FAM171B: variants seen among roughly 807,000 people sequenced by gnomAD.
FAM171B encodes the protein family with sequence similarity 171 member B, also known as protein FAM171B.
In FAM171B, 19 loss-of-function variants were observed where a neutral mutation model predicts 75.6. The observed-to-expected ratio is 0.25, with a 90% CI of 0.18 to 0.37. The LOEUF (loss-of-function observed/expected upper bound fraction) is 0.37, where lower values mean the gene tolerates loss of function less well. Ranked by LOEUF, FAM171B falls within the 10% of genes least tolerant of loss-of-function variation. The pLI is 1.00. For missense variants in FAM171B, 848 were observed against 982.4 expected (o/e 0.86, Z 1.83); for synonymous variants, 367 against 361.7 (o/e 1.01, Z -0.17).
At chr2:186,731,772 C>T (rs575192195) in intron 1 of FAM171B, among the ~76,000 whole-genome samples, 1 of 152,156 alleles carries the variant, frequency 6.6e-6, no homozygotes, top group Non-Finnish European at 1.5e-5. Context: ...TTCCCCATCA[C>T]TCACATTATG....
intron 1 of FAM171B, among the ~76,000 whole-genome samples, chr2:186,696,373 A>C (rs1689581074): frequency 6.7e-6 from 1 of 150,330 alleles, no homozygotes; most frequent in Non-Finnish European, 1.5e-5. Context: ...CTTTGAATGC[A>C]TTGTGATCTC....
chr2:186,739,754 T>C (rs1334846692), intron 1 of FAM171B, among the ~76,000 whole-genome samples: 2 of 152,228 alleles, frequency 1.3e-5, no homozygotes, highest in African/African-American at 4.8e-5. Flanking sequence ...AGGACTGCAT[T>C]GTAAAATAAT....
chr2:186,717,571 C>T (rs1217127125), intron 1 of FAM171B, among the ~76,000 whole-genome samples: 2 of 152,156 alleles, frequency 1.3e-5, no homozygotes, highest in Non-Finnish European at 2.9e-5. Context: ...TCCCACTTCT[C>T]TGTCTCCTTC....
At chr2:186,696,948 C>T (rs1689590833) in intron 1 of FAM171B, among the ~76,000 whole-genome samples, 2 of 152,006 alleles carry the variant, frequency 1.3e-5, no homozygotes, top group South Asian at 4.1e-4. Flanking sequence ...TTTCTAGTAT[C>T]TCGAAGAGCA....
At chr2:186,756,590 A>G (rs1690533772) in intron 6 of FAM171B, among the ~76,000 whole-genome samples, 1 of 152,140 alleles carries the variant, frequency 6.6e-6, no homozygotes, top group African/African-American at 2.4e-5. Context: ...CACTTTCTCA[A>G]GATGTCTCCA....
At chr2:186,743,652 G>A in intron 3 of FAM171B, 77 bp downstream of exon 3, 2 of 1,005,110 alleles carry the variant, frequency 2.0e-6, no homozygotes, top group Admixed American at 1.9e-5. Flanking sequence ...AAGAATCAGT[G>A]TGAATTATAA....
chr2:186,732,863 C>G (rs993703984), intron 1 of FAM171B, among the ~76,000 whole-genome samples: 3 of 152,238 alleles, frequency 2.0e-5, no homozygotes, highest in African/African-American at 7.2e-5. Context: ...TTTTAGTGCA[C>G]ATGCTTGGGC....
rs185741991 is a variant in FAM171B, at chr2:186,700,926, T to A, written c.238+6515T>A. Among the ~76,000 whole-genome samples the A allele has an allele frequency of 1.7e-3, 258 of 151,862 alleles. 1 individual carries two copies. The highest frequency in any genetic ancestry group is 3.0e-3 in the Non-Finnish European group (202 of 67,914). On this transcript the variant is annotated intron_variant, in intron 1 of 7. Transcript: ENST00000304698. ...AAATAATTTAAACTTCTCTTTAACT[T>A]TTTTTTTTCATACGGACTCTTGCTC...
At chr2:186,700,124 G>A (rs1038187092) in intron 1 of FAM171B, among the ~76,000 whole-genome samples, 1 of 151,206 alleles carries the variant, frequency 6.6e-6, no homozygotes, top group Admixed American at 6.6e-5. Flanking sequence ...GCCTTTTGTG[G>A]TTCCATGTAA....
chr2:186,747,175 T>G lies in FAM171B; in HGVS notation c.649T>G (p.Tyr217Asp). Reference sequence around the variant, plus strand: ...CCATCATATTAGCAACGTTACTGGCTATCTTACAGTTCTACAACAGTTTTT... The same window carrying G: ...CCATCATATTAGCAACGTTACTGGCGATCTTACAGTTCTACAACAGTTTTT... Reference protein sequence around the residue: ...DNHHISNVTGYLTVLQQFLKV... With the variant: ...DNHHISNVTGDLTVLQQFLKV... Residue 217 changes from tyrosine (Y) to aspartate (D), a missense_variant, in exon 4 of 8, where the codon TAT (tyrosine) becomes GAT (aspartate). This residue lies in a region of FAM171B where 665 missense variants were observed against 729.0 expected (regional missense o/e 0.91). Transcript: ENST00000304698. 1.9e-6 allele frequency: 3 copies of G among 1,608,838 alleles called. No homozygotes were observed. The highest frequency in any genetic ancestry group is 2.2e-5 in the South Asian group (2 of 89,812).
chr2:186,708,547 G>T (rs1161583242), intron 1 of FAM171B, among the ~76,000 whole-genome samples: 1 of 152,160 alleles, frequency 6.6e-6, no homozygotes, highest in Admixed American at 6.6e-5. Flanking sequence ...TGTGGAAACA[G>T]GTATGGGGGA....
intron 1 of FAM171B, among the ~76,000 whole-genome samples, chr2:186,700,326 A>G (rs1449196925): frequency 6.6e-6 from 1 of 152,016 alleles, no homozygotes; most frequent in African/African-American, 2.4e-5. Context: ...ACAAAAAGAT[A>G]TACCCATATA....
chr2:186,747,275 T>C, intron 4 of FAM171B, 25 bp downstream of exon 4: 1 of 1,484,542 alleles, frequency 6.7e-7, no homozygotes, highest in Non-Finnish European at 9.0e-7. Context: ...TTGTATAATA[T>C]AGTTATAAGA....
At chr2:186,715,122 A>G (rs1389317323) in intron 1 of FAM171B, among the ~76,000 whole-genome samples, 1 of 152,226 alleles carries the variant, frequency 6.6e-6, no homozygotes, top group Non-Finnish European at 1.5e-5. Flanking sequence ...TCAGTACAAC[A>G]AGGGCAGGTA....
intron 3 of FAM171B, among the ~76,000 whole-genome samples, chr2:186,745,308 C>A (rs1004771817): frequency 1.3e-5 from 2 of 152,172 alleles, no homozygotes; most frequent in Admixed American, 1.3e-4. Flanking sequence ...GCATCTCTGC[C>A]CCTCACTGGC....
At position 186,745,180 on chromosome 2, in the gene FAM171B, G is replaced by A. The variant is rs144294429; in HGVS notation, c.565+1605G>A. Among the ~76,000 whole-genome samples, 100 of 152,306 alleles carry A rather than the reference G, an allele frequency of 6.6e-4. 2 individuals are homozygous for A. The highest frequency in any genetic ancestry group is 3.9e-3 in the East Asian group (20 of 5,184). On this transcript the variant is annotated intron_variant, in intron 3 of 7. Coordinates refer to ENST00000304698, the MANE Select transcript of FAM171B (RefSeq NM_177454.4). ...GGCAGAATGGTGGATGTGGAGCTGT[G>A]TGTGAAAGAATGGAAAGTAAATAAG...
intron 1 of FAM171B, among the ~76,000 whole-genome samples, chr2:186,697,152 G>T (rs1324396205): frequency 6.6e-6 from 1 of 152,202 alleles, no homozygotes; most frequent in Non-Finnish European, 1.5e-5. Context: ...AGGAAAGTTT[G>T]TAAGTAGAAG....
In FAM171B at chr2:186,736,645, CTTTTTTT is replaced by C. The variant is rs71396886; in HGVS notation, c.239-3563_239-3557del. 3.7e-3 allele frequency among the ~76,000 whole-genome samples: 187 copies of C among 50,252 alleles called. No homozygotes were observed. The East Asian group carries it at 0.074, about 20-fold the overall frequency. 33.0% of individuals were successfully genotyped at this position (50,252 alleles called of 152,430 possible). Reference sequence around the variant, plus strand: ...TTTTAGACTCTGGAAGGGATCAGAGCTTTTTTTTTTTTTTTTTTTTTTTTTTAGTTTG... The same window carrying C: ...TTTTAGACTCTGGAAGGGATCAGAGCTTTTTTTTTTTTTTTTTTTAGTTTG... On this transcript the variant is annotated intron_variant, in intron 1 of 7. Transcript: ENST00000304698.
intron 5 of FAM171B, among the ~76,000 whole-genome samples, chr2:186,751,883 A>G (rs528612283): frequency 6.6e-6 from 1 of 152,302 alleles, no homozygotes; most frequent in South Asian, 2.1e-4. Context: ...AAAAGACAGA[A>G]AAAGGAAAAT....
Sources: gnomAD v4.1 joint callset for allele counts (sites outside exome capture counted in the v4.1 genomes callset) on GRCh38, gnomAD v4.1.1 for gene constraint, gnomAD v4.1.1 regional missense constraint, MANE v1.5 for transcripts, NCBI Gene and HGNC (gene_info 2026-07-23, HGNC 2026-07-21) for gene names.